The following TMEM40 variants were observed in gnomAD, a reference collection of about 807,000 sequenced individuals.
The protein encoded by TMEM40 is transmembrane protein 40.
A neutral mutation model predicts 40.8 loss-of-function variants in TMEM40; 34 were observed. The observed-to-expected ratio is 0.83, with a 90% CI of 0.63 to 1.11. The LOEUF (loss-of-function observed/expected upper bound fraction) is 1.11, where lower values mean the gene tolerates loss of function less well. Among genes scored for constraint, TMEM40 ranks in the 50% least tolerant of loss-of-function variants. The pLI, the probability that TMEM40 is intolerant of heterozygous loss-of-function variation, is 0.00. For synonymous variants in TMEM40, 106 were observed against 107.0 expected (o/e 0.99, Z 0.06); for missense variants, 296 against 280.2 (o/e 1.06, Z -0.40).
chr3:12,738,145 G>A lies in TMEM40; in HGVS notation c.415C>T (p.Pro139Ser), dbSNP rs192420814. Residue 139 changes from proline to serine, a missense_variant, in exon 7 of 12, where the codon CCA becomes TCA. Pro to Ser is a moderately conservative substitution (Grantham distance 74, BLOSUM62 -1). Coordinates refer to ENST00000314124, the MANE Select transcript of TMEM40 (RefSeq NM_018306.4). ...ESGLRRRGSD[P>S]ASGEVEASQL... ...GAGCTTGTGTATTTACCACTTGCTG[G>A]GTCAGAGCCTCTCCTTCGGAGTCCT... The A allele has an allele frequency of 1.3e-5, 21 of 1,613,976 alleles. 1 individual carries two copies. The Admixed American group carries it at 3.3e-4, about 26-fold the overall frequency.
In TMEM40 at chr3:12,742,527, T is replaced by C. The variant is rs781112415; in HGVS notation, c.302-20A>G. The C allele has an allele frequency of 6.2e-7, 1 of 1,613,432 alleles. No individual in the cohort carries two copies. The highest frequency in any genetic ancestry group is 1.7e-5 in the Admixed American group (1 of 59,986). On this transcript the variant is annotated intron_variant, in intron 4 of 11. Coordinates refer to ENST00000314124, the MANE Select transcript of TMEM40 (RefSeq NM_018306.4). ...CAGGACCTGGATGGAGACAAACCCC[T>C]TAGTCAGCACTCCCCAAACACAGTG... is the stretch of plus-strand genomic sequence containing the variant.
chr3:12,762,705 A>C (rs1334202209), upstream of TMEM40, among the ~76,000 whole-genome samples: 1 of 152,250 alleles, frequency 6.6e-6, no homozygotes, highest in African/African-American at 2.4e-5. Flanking sequence ...AGATATTTTC[A>C]AAATATAGTC....
intron 1 of TMEM40, among the ~76,000 whole-genome samples, chr3:12,754,190 T>C (rs1313253473): frequency 6.6e-6 from 1 of 152,092 alleles, no homozygotes; most frequent in Non-Finnish European, 1.5e-5. Flanking sequence ...CGGGCACCTG[T>C]AGTCCCAGCT....
At chr3:12,765,911 A>G (rs949445828) in intron 1 of TMEM40, among the ~76,000 whole-genome samples, 3 of 151,858 alleles carry the variant, frequency 2.0e-5, no homozygotes, top group African/African-American at 7.3e-5. Context: ...GCTGAAGTGC[A>G]GTGGGCACCA....
chr3:12,735,801 A>G (rs1363510088), intron 10 of TMEM40, among the ~76,000 whole-genome samples, 184 bp from the exon 11 acceptor site: 3 of 152,222 alleles, frequency 2.0e-5, no homozygotes, highest in African/African-American at 7.2e-5. Context: ...CGAACAGCAG[A>G]AGTAGTGGCA....
At chr3:12,748,621 G>T in intron 3 of TMEM40, 34 bp downstream of exon 3, 1 of 1,582,294 alleles carries the variant, frequency 6.3e-7, no homozygotes. Context: ...TCTTTTTCTT[G>T]AATAATATAC....
intron 3 of TMEM40, among the ~76,000 whole-genome samples, chr3:12,747,490 G>A (rs1057033924): frequency 1.3e-5 from 2 of 152,218 alleles, no homozygotes; most frequent in Non-Finnish European, 2.9e-5. Context: ...CCAGCACAGA[G>A]TAAGCATTCA....
intron 1 of TMEM40, among the ~76,000 whole-genome samples, chr3:12,768,912 CGGGGCCG>C (rs2061607695): frequency 4.0e-5 from 1 of 24,834 alleles, no homozygotes; most frequent in Non-Finnish European, 1.9e-4. Context: ...CAGGGCGGGC[CGGGGCCG>C]GGGCCGGGGC....
intron 3 of TMEM40, among the ~76,000 whole-genome samples, chr3:12,746,954 CCTGGAAGCT>C (rs1403358934): frequency 6.6e-6 from 1 of 152,150 alleles, no homozygotes; most frequent in Non-Finnish European, 1.5e-5. Flanking sequence ...CCTGCCTGCA[CCTGGAAGCT>C]CTTCTTCCAG....
intron 3 of TMEM40, 113 bp downstream of exon 3, chr3:12,748,542 G>A: frequency 7.1e-7 from 1 of 1,409,980 alleles, no homozygotes; most frequent in Non-Finnish European, 9.6e-7. Context: ...AAGAGAATGT[G>A]GAGAAACGGT....
intron 1 of TMEM40, among the ~76,000 whole-genome samples, chr3:12,754,067 CG>C (rs2061499531): frequency 6.6e-6 from 1 of 152,150 alleles, no homozygotes; most frequent in South Asian, 2.1e-4. Flanking sequence ...TGGAGCCACA[CG>C]GGGCAAGGCT....
Position 12,738,115 on chromosome 3 carries a change from TA to T in TMEM40, c.424+20del. 6.2e-7 allele frequency: 1 copy of T among 1,613,496 alleles called. No homozygotes were observed. On this transcript the variant is annotated intron_variant, in intron 7 of 11. Coordinates refer to ENST00000314124, the MANE Select transcript of TMEM40 (RefSeq NM_018306.4). ...GAATCCACACCCGCTCTGGCTCTCCTATTTGAGCTTGTGTATTTACCACTTG... is the reference window on the plus strand; with the variant it reads ...GAATCCACACCCGCTCTGGCTCTCCTTTTGAGCTTGTGTATTTACCACTTG...
At chr3:12,736,457 T>A in intron 10 of TMEM40, 121 bp downstream of exon 10, 1 of 1,326,344 alleles carries the variant, frequency 7.5e-7, no homozygotes, top group Non-Finnish European at 1.0e-6. Context: ...GCCAGAAAAT[T>A]TTTTTAAAAG....
intron 5 of TMEM40, among the ~76,000 whole-genome samples, chr3:12,739,644 C>T (rs2061366271): frequency 6.6e-6 from 1 of 151,446 alleles, no homozygotes; most frequent in Admixed American, 6.6e-5. Flanking sequence ...TGGTCTTGAA[C>T]TCCTGGGCTC....
Position 12,737,759 on chromosome 3 carries a change from A to C in TMEM40, c.425-5T>G, listed in dbSNP as rs763578439. ...ACTGAGAGGCCTCCACTTCTCCTTA[A>C]GAACAAGAGAGAGATGAATATTTAA... On this transcript the variant is annotated splice_polypyrimidine_tract_variant and splice_region_variant and intron_variant, in intron 7 of 11. Coordinates refer to ENST00000314124, the MANE Select transcript of TMEM40 (RefSeq NM_018306.4). The C allele has an allele frequency of 4.3e-6, 7 of 1,613,544 alleles. No individual in the cohort carries two copies. In the South Asian group the frequency reaches 7.7e-5, roughly 18 times the overall value.
At chr3:12,740,866 C>CA (rs1318220033) in intron 5 of TMEM40, among the ~76,000 whole-genome samples, 2 of 151,866 alleles carry the variant, frequency 1.3e-5, no homozygotes, top group Non-Finnish European at 2.9e-5. Context: ...CCAAAAAAAA[C>CA]AAAAAATGAA....
rs1181348334 is a variant in TMEM40, at chr3:12,733,843, A to G, written c.*931T>C. 9 of 152,180 alleles carry G rather than the reference A, an allele frequency of 5.9e-5. No homozygotes were observed. In the East Asian group the frequency reaches 1.7e-3, roughly 29 times the overall value. The allele number at this position is 152,180 out of a possible 1,614,324, so 9.4% of individuals were successfully genotyped here. ...ATATGTTAATTAGCTTGATTTAGCC[A>G]TTCCACATATTTCAAAACATGTTGT... On this transcript the variant is annotated 3_prime_UTR_variant, in exon 12 of 12. Coordinates refer to ENST00000314124, the MANE Select transcript of TMEM40 (RefSeq NM_018306.4).
intron 8 of TMEM40, among the ~76,000 whole-genome samples, chr3:12,737,038 C>T (rs542901007): frequency 8.5e-5 from 13 of 152,162 alleles, no homozygotes; most frequent in Non-Finnish European, 1.3e-4. Flanking sequence ...GCCACCACAC[C>T]CAGCAAATTT....
intron 1 of TMEM40, among the ~76,000 whole-genome samples, chr3:12,751,086 G>T (rs2061471684): frequency 6.6e-6 from 1 of 151,810 alleles, no homozygotes; most frequent in South Asian, 2.1e-4. Context: ...CTGTGCCCTG[G>T]GTTTCTCATC....
Sources: allele counts gnomAD v4.1 joint callset (sites outside exome capture counted in the v4.1 genomes callset), GRCh38; gene constraint gnomAD v4.1.1; transcripts MANE v1.5; gene names NCBI Gene and HGNC (gene_info 2026-07-23, HGNC 2026-07-21).